The following ZC3H15 variants were observed in gnomAD, a reference collection of about 807,000 sequenced individuals.
The protein encoded by ZC3H15 is zinc finger CCCH domain-containing protein 15.
A neutral mutation model predicts 51.2 loss-of-function variants in ZC3H15; 15 were observed. The ratio of observed to expected loss-of-function variants is 0.29; its 90% CI spans 0.20 to 0.45. ZC3H15 has a LOEUF of 0.45. ZC3H15 is among the 20% of genes least tolerant of loss of function. The pLI, the probability that ZC3H15 is intolerant of heterozygous loss-of-function variation, is 1.00. For missense variants in ZC3H15, 381 were observed against 494.7 expected, an observed-to-expected ratio of 0.77 and a Z score of 2.18; for synonymous variants, 144 against 162.8, an observed-to-expected ratio of 0.88 and a Z score of 0.88.
intron 2 of ZC3H15, among the ~76,000 whole-genome samples, chr2:186,499,828 G>GTT (rs1685348402): frequency 6.6e-6 from 1 of 152,192 alleles, no homozygotes; most frequent in Non-Finnish European, 1.5e-5. Flanking sequence ...ATTTCAGGAT[G>GTT]TTTGCTTGTC....
chr2:186,506,289 A>T (rs777431919), intron 8 of ZC3H15, among the ~76,000 whole-genome samples: 13 of 152,220 alleles, frequency 8.5e-5, no homozygotes, highest in Admixed American at 3.3e-4. Context: ...GTAATAACAG[A>T]TAACTTACTG....
intron 4 of ZC3H15, among the ~76,000 whole-genome samples, chr2:186,501,728 T>TTG (rs1553489428): frequency 2.0e-5 from 3 of 151,882 alleles, no homozygotes; most frequent in Non-Finnish European, 4.4e-5. Context: ...TTTTTTTTTT[T>TTG]GAGACGGAGT....
chr2:186,505,851 A>G lies in ZC3H15; in HGVS notation c.966+10A>G. ...AACAGGTGGTGATGAGGTAAGAGGA[A>G]GCTTTGTGCCTCATCTCCTTATGTT... On this transcript the variant is annotated intron_variant, in intron 8 of 9. Transcript: ENST00000337859. 3.7e-6 allele frequency: 6 copies of G among 1,612,546 alleles called. No homozygotes were observed. Among genetic ancestry groups the G allele is most frequent in the Non-Finnish European group, 5.1e-6 (6 of 1,179,084 alleles).
intron 6 of ZC3H15, chr2:186,505,242 C>A: frequency 2.9e-6 from 1 of 345,754 alleles, no homozygotes; most frequent in Non-Finnish European, 4.9e-6. Flanking sequence ...AAATCTAGCT[C>A]AGAATAATAT....
At position 186,508,706 on chromosome 2, in the gene ZC3H15, A is replaced by G. The variant is rs376088217; in HGVS notation, c.1254A>G (p.Glu418=). Residue 418 remains glutamate (E), a synonymous_variant, in exon 10 of 10, where the codon GAA becomes GAG. Transcript: ENST00000337859. The part of the protein sequence containing the change: ...TGEDLDELEE[E]LNTLDLEE ...AGGATTTGGATGAACTAGAAGAAGA[A>G]TTAAATACACTTGATTTAGAAGAAT... is the stretch of plus-strand genomic sequence containing the variant. The G allele has an allele frequency of 4.9e-5, 79 of 1,614,054 alleles. No homozygotes were observed. The highest frequency in any genetic ancestry group is 6.5e-5 in the Non-Finnish European group (77 of 1,179,962).
chr2:186,503,625 C>G (rs529761627), intron 5 of ZC3H15, among the ~76,000 whole-genome samples: 14 of 152,182 alleles, frequency 9.2e-5, no homozygotes, highest in Non-Finnish European at 1.6e-4. Context: ...AGGTGATCCG[C>G]CCGCCTCGGC....
chr2:186,506,653 C>A, intron 8 of ZC3H15, 60 bp from the exon 9 acceptor site: 2 of 1,540,856 alleles, frequency 1.3e-6, no homozygotes, highest in South Asian at 1.2e-5. Context: ...AGATAAATGT[C>A]AGGAGTAAAA....
At chr2:186,497,009 GA>G (rs1429987417) in intron 2 of ZC3H15, 3 of 318,878 alleles carry the variant, frequency 9.4e-6, no homozygotes, top group Non-Finnish European at 6.0e-6. Context: ...TCTTTCATAC[GA>G]ATTTTAAAAT....
At chr2:186,497,046 G>GA in intron 2 of ZC3H15, 3 of 360,014 alleles carry the variant, frequency 8.3e-6, no homozygotes, top group Middle Eastern at 7.5e-4. Flanking sequence ...CAACTCATTT[G>GA]AAAAAAATGT....
At position 186,500,241 on chromosome 2, in the gene ZC3H15, G is replaced by A. The variant is rs773239290; in HGVS notation, c.237G>A (p.Gln79=). ...AGGATGACAAGAAGAAAGAATTGCA[G>A]GAGCTAAATGAGCTGTTCAAACCTG... ...LKKDDKKKEL[Q]ELNELFKPVV... Residue 79 remains glutamine, a synonymous_variant, in exon 3 of 10, where the codon CAG becomes CAA. Coordinates refer to ENST00000337859, the MANE Select transcript of ZC3H15 (RefSeq NM_018471.3). 46 of 1,613,504 alleles carry A rather than the reference G, an allele frequency of 2.9e-5. No individual in the cohort carries two copies. In the Middle Eastern group the frequency reaches 4.9e-4, roughly 17 times the overall value.
At chr2:186,494,003 C>A (rs1685239244) in intron 1 of ZC3H15, among the ~76,000 whole-genome samples, 2 of 150,964 alleles carry the variant, frequency 1.3e-5, no homozygotes, top group Admixed American at 1.3e-4. Flanking sequence ...ACCACTGCTC[C>A]CCTCCACACA....
At chr2:186,503,953 C>G (rs1173520879) in intron 5 of ZC3H15, 79 bp from the exon 6 acceptor site, 2 of 1,192,470 alleles carry the variant, frequency 1.7e-6, no homozygotes, top group Non-Finnish European at 2.3e-6. Flanking sequence ...TGTGTGTATA[C>G]TTGTTCCATA....
At chr2:186,505,630 A>C in intron 7 of ZC3H15, 33 bp downstream of exon 7, 1 of 1,597,814 alleles carries the variant, frequency 6.3e-7, no homozygotes, top group Non-Finnish European at 8.5e-7. Flanking sequence ...CTGATTCTTT[A>C]TTCTTCCATT....
intron 1 of ZC3H15, chr2:186,488,673 G>A (rs1171854963): frequency 6.6e-6 from 1 of 152,184 alleles, no homozygotes. Context: ...TTAAAATCTC[G>A]GCAGCCAGAA....
intron 4 of ZC3H15, 129 bp from the exon 5 acceptor site, chr2:186,502,367 C>T: frequency 1.4e-6 from 1 of 718,396 alleles, no homozygotes; most frequent in South Asian, 2.4e-5. Flanking sequence ...GAGACCCCGT[C>T]TCAACAAAAA....
chr2:186,508,873 A>G lies in ZC3H15; in HGVS notation c.*140A>G. 1 of 844,682 alleles carries G rather than the reference A, an allele frequency of 1.2e-6. No individual in the cohort carries two copies. The allele number at this position is 844,682 out of a possible 1,614,324, so 52.3% of individuals were successfully genotyped here. ...GGAGTTAACCTCCTGCAAAAAAGGC[A>G]TCTTGTCCCTACATCTTCTCTTCTG... On this transcript the variant is annotated 3_prime_UTR_variant, in exon 10 of 10. Transcript: ENST00000337859.
chr2:186,494,035 A>C (rs1218311440), intron 1 of ZC3H15, among the ~76,000 whole-genome samples: 2 of 151,308 alleles, frequency 1.3e-5, no homozygotes, highest in African/African-American at 4.9e-5. Context: ...ATACTTGTGC[A>C]ATGGCTTCTA....
At chr2:186,488,343 T>C (rs1012385622) in intron 1 of ZC3H15, among the ~76,000 whole-genome samples, 3 of 152,202 alleles carry the variant, frequency 2.0e-5, no homozygotes, top group Non-Finnish European at 2.9e-5. Flanking sequence ...TTTAATTCTT[T>C]CCACACGTGC....
chr2:186,502,835 G>T (rs1483906816), intron 5 of ZC3H15, among the ~76,000 whole-genome samples: 1 of 152,094 alleles, frequency 6.6e-6, no homozygotes, highest in Non-Finnish European at 1.5e-5. Flanking sequence ...ATTTTCTGAG[G>T]TGAACGTTCT....
Sources: gnomAD v4.1 joint callset for allele counts (sites outside exome capture counted in the v4.1 genomes callset) on GRCh38, gnomAD v4.1.1 for gene constraint, MANE v1.5 for transcripts, NCBI Gene and HGNC (gene_info 2026-07-23, HGNC 2026-07-21) for gene names.